The following ZMIZ1 variants were observed in gnomAD, a reference collection of about 807,000 sequenced individuals.
The protein encoded by ZMIZ1 is zinc finger MIZ domain-containing protein 1.
ZMIZ1 carries 17 observed loss-of-function variants against 113.9 expected under a neutral mutation model. The ratio of observed to expected loss-of-function variants is 0.15; its 90% CI spans 0.10 to 0.22. The LOEUF (loss-of-function observed/expected upper bound fraction) is 0.22. ZMIZ1 is among the 10% of genes least tolerant of loss of function. ZMIZ1 has a pLI of 1.00. For synonymous variants in ZMIZ1, 607 were observed against 603.1 expected (o/e 1.01, Z -0.09); for missense variants, 1,059 against 1,477.8 (o/e 0.72, Z 4.65).
intron 8 of ZMIZ1, among the ~76,000 whole-genome samples, chr10:79,280,359 C>T (rs544291229): frequency 1.3e-5 from 2 of 152,240 alleles, no homozygotes; most frequent in Admixed American, 1.3e-4. Context: ...ACTGCAGCCT[C>T]GACCTCCTTG....
intron 3 of ZMIZ1, among the ~76,000 whole-genome samples, chr10:79,148,062 C>T (rs746136655): frequency 1.1e-3 from 173 of 152,192 alleles, no homozygotes; most frequent in Non-Finnish European, 2.2e-3. Flanking sequence ...GCTGTGGTGG[C>T]TTTTTGGGGC....
In ZMIZ1 at chr10:79,297,645, C is replaced by T. The variant is rs775001691; in HGVS notation, c.1446C>T (p.Phe482=). Residue 482 remains phenylalanine, a synonymous_variant, in exon 14 of 25, where the codon TTC becomes TTT. Coordinates refer to ENST00000334512, the MANE Select transcript of ZMIZ1 (RefSeq NM_020338.4). ...PEQFNGQNNT[F]SGSSYSNYSQ... ...AGTTTAATGGACAAAATAACACGTTCTCGGGAAGCAGCTACAGTAACTACA... is the reference window on the plus strand; with the variant it reads ...AGTTTAATGGACAAAATAACACGTTTTCGGGAAGCAGCTACAGTAACTACA... The T allele has an allele frequency of 6.2e-7, 1 of 1,614,118 alleles. No individual in the cohort carries two copies. The highest frequency in any genetic ancestry group is 2.2e-5 in the East Asian group (1 of 44,882).
At chr10:79,136,316 C>G (rs1845006411) in intron 2 of ZMIZ1, among the ~76,000 whole-genome samples, 1 of 152,250 alleles carries the variant, frequency 6.6e-6, no homozygotes, top group African/African-American at 2.4e-5. Context: ...TCTAGGACCC[C>G]CCAGCCTGTC....
At chr10:79,230,623 G>A (rs1849356727) in intron 7 of ZMIZ1, among the ~76,000 whole-genome samples, 1 of 152,210 alleles carries the variant, frequency 6.6e-6, no homozygotes, top group African/African-American at 2.4e-5. Context: ...GAGAGAAAAT[G>A]GGAACTCCTC....
chr10:79,134,836 T>G (rs558193535), intron 2 of ZMIZ1, among the ~76,000 whole-genome samples: 19 of 151,590 alleles, frequency 1.3e-4, no homozygotes, highest in Admixed American at 1.2e-3. Flanking sequence ...ATTAAATAGT[T>G]TTTTTTTTTG....
chr10:79,307,790 G>A (rs1025922561), intron 23 of ZMIZ1, among the ~76,000 whole-genome samples: 1 of 151,926 alleles, frequency 6.6e-6, no homozygotes, highest in African/African-American at 2.4e-5. Context: ...CTGGAGATGG[G>A]GGAAGCTTCA....
intron 4 of ZMIZ1, among the ~76,000 whole-genome samples, chr10:79,165,737 C>T (rs931501061): frequency 3.3e-5 from 5 of 152,168 alleles, no homozygotes; most frequent in Non-Finnish European, 5.9e-5. Flanking sequence ...GACAGCTCCC[C>T]GTGGTCACGG....
intron 2 of ZMIZ1, among the ~76,000 whole-genome samples, chr10:79,132,570 T>G (rs953480746): frequency 8.5e-5 from 13 of 152,254 alleles, no homozygotes; most frequent in African/African-American, 3.1e-4. Flanking sequence ...GGGATGAGAC[T>G]GGGGGCCAAA....
chr10:79,275,044 G>A (rs1258457750), intron 7 of ZMIZ1, among the ~76,000 whole-genome samples: 1 of 152,224 alleles, frequency 6.6e-6, no homozygotes, highest in Non-Finnish European at 1.5e-5. Flanking sequence ...GCGATCCAGC[G>A]GGCCTCGTGC....
intron 3 of ZMIZ1, among the ~76,000 whole-genome samples, chr10:79,143,041 C>G (rs1233217396): frequency 6.6e-6 from 1 of 152,132 alleles, no homozygotes; most frequent in Non-Finnish European, 1.5e-5. Flanking sequence ...AGTGTTGTGT[C>G]ACTTCATTCT....
chr10:79,263,660 G>A (rs1327733537), intron 7 of ZMIZ1, among the ~76,000 whole-genome samples: 1 of 152,178 alleles, frequency 6.6e-6, no homozygotes, highest in African/African-American at 2.4e-5. Flanking sequence ...GAAGCCACTT[G>A]AGAGGTCCTG....
intron 4 of ZMIZ1, among the ~76,000 whole-genome samples, chr10:79,194,537 T>A (rs1847752794): frequency 6.6e-6 from 1 of 152,224 alleles, no homozygotes; most frequent in Non-Finnish European, 1.5e-5. Context: ...AGGAGCCCCC[T>A]GAGGGCTGTT....
chr10:79,153,584 G>T (rs1845788275), intron 3 of ZMIZ1, among the ~76,000 whole-genome samples: 1 of 152,264 alleles, frequency 6.6e-6, no homozygotes, highest in South Asian at 2.1e-4. Flanking sequence ...TTGCGGGAGA[G>T]ACCTGATGTT....
intron 4 of ZMIZ1, among the ~76,000 whole-genome samples, chr10:79,184,767 G>C (rs2132586073): frequency 6.6e-6 from 1 of 152,334 alleles, no homozygotes; most frequent in Middle Eastern, 3.4e-3. Context: ...CTGCTCTTCT[G>C]ATCCAGTTCC....
intron 1 of ZMIZ1, among the ~76,000 whole-genome samples, chr10:79,070,294 G>A (rs1842220073): frequency 6.6e-6 from 1 of 151,854 alleles, no homozygotes. Context: ...CCAGGAAGCC[G>A]GCCGGGCGGG....
At chr10:79,095,391 C>T (rs914775761) in intron 1 of ZMIZ1, among the ~76,000 whole-genome samples, 4 of 152,178 alleles carry the variant, frequency 2.6e-5, no homozygotes, top group Admixed American at 6.5e-5. Flanking sequence ...ACCATGATAC[C>T]GATAGTTAGA....
At chr10:79,253,908 T>A (rs946975727) in intron 7 of ZMIZ1, among the ~76,000 whole-genome samples, 5 of 151,878 alleles carry the variant, frequency 3.3e-5, no homozygotes, top group Admixed American at 2.6e-4. Flanking sequence ...ACACGCACAC[T>A]CACACACACA....
At chr10:79,270,865 C>A (rs887598468) in intron 7 of ZMIZ1, among the ~76,000 whole-genome samples, 3 of 152,102 alleles carry the variant, frequency 2.0e-5, no homozygotes, top group African/African-American at 7.2e-5. Flanking sequence ...GGGAACTGTC[C>A]CCACTACCCC....
rs34501245 is a variant in ZMIZ1 at position 79,167,439 on chromosome 10, GT to G, written c.-50+5309del. Among the ~76,000 whole-genome samples, 616 of 152,296 alleles carry G rather than the reference GT, an allele frequency of 4.0e-3. 4 individuals carry two copies. The highest frequency in any genetic ancestry group is 0.022 in the South Asian group (107 of 4,832). ...CTGAGGGAGGAAATCCTGCAGGTGA[GT>G]TTGCAGAGCACAGGCTGTCTCTGTA... On this transcript the variant is annotated intron_variant, in intron 4 of 24. Transcript: ENST00000334512.
Sources: gnomAD v4.1 joint callset for allele counts (sites outside exome capture counted in the v4.1 genomes callset) on GRCh38, gnomAD v4.1.1 for gene constraint, MANE v1.5 for transcripts, NCBI Gene and HGNC (gene_info 2026-07-23, HGNC 2026-07-21) for gene names.